The following MTA1 variants were observed in gnomAD, a reference collection of about 807,000 sequenced individuals.
The protein encoded by MTA1 is metastasis-associated protein MTA1.
Under a neutral mutation model 97.0 loss-of-function variants are expected in MTA1, and 15 were observed. The ratio of observed to expected loss-of-function variants is 0.15; its 90% confidence interval spans 0.10 to 0.24. The LOEUF (loss-of-function observed/expected upper bound fraction) is 0.24, where lower values mean the gene tolerates loss of function less well. Ranked by LOEUF, MTA1 falls within the 10% of genes least tolerant of loss-of-function variation. MTA1 has a pLI of 1.00. For synonymous variants in MTA1, 435 were observed against 417.5 expected, an observed-to-expected ratio of 1.04 and a Z score of -0.51; for missense variants, 709 against 1,015.1, an observed-to-expected ratio of 0.70 and a Z score of 4.10.
In MTA1 at chr14:105,469,481, G is replaced by A. The variant is rs1555433782; in HGVS notation, c.1828G>A (p.Gly610Arg). The change falls in exon 19 of 21, where the codon GGA becomes AGA. Residue 610 changes from glycine (G) to arginine (R), a missense_variant. Transcript: ENST00000331320. ...TTTCTCATCAGGTCTGGCAAACCAC[G>A]GACAGGCCAGGCACATGGTAAGAGG... ...LMPSRGLANHGQARHMGPSRN... is the reference protein window; with the variant it reads ...LMPSRGLANHRQARHMGPSRN... 5 of 1,612,964 alleles carry A rather than the reference G, an allele frequency of 3.1e-6. No individual in the cohort carries two copies. Among genetic ancestry groups the A allele is most frequent in the East Asian group, 2.2e-5 (1 of 44,874 alleles).
rs1236681809 is a variant in MTA1 at position 105,465,124 on chromosome 14, G to A, written c.1565G>A (p.Ser522Asn). 5.9e-6 allele frequency: 9 copies of A among 1,523,964 alleles called. No individual in the cohort carries two copies. The highest frequency in any genetic ancestry group is 8.0e-6 in the Non-Finnish European group (9 of 1,131,678). The allele number at this position is 1,523,964 out of a possible 1,614,324, so 94.4% of individuals were successfully genotyped here. A position where few individuals can be genotyped will look rare whatever the true frequency, so the allele number is the denominator to read the frequency against. Residue 522 changes from serine (S) to asparagine (N), a missense_variant, in exon 16 of 21, where the codon AGC (serine) becomes AAC (asparagine). Physicochemically the swap from Ser to Asn is conservative, Grantham distance 46 (BLOSUM62 1). Coordinates refer to ENST00000331320, the MANE Select transcript of MTA1 (RefSeq NM_004689.4). The stretch of plus-strand genomic sequence containing the variant: ...GCGCGGCTGCCCGAAGCCTCCCAGA[G>A]CCCGCTGGTGCTGAAGCAGGCGGTA... ...CTARLPEASQ[S>N]PLVLKQAVRK...
rs199606459 is a variant in MTA1 at position 105,460,427 on chromosome 14, C to T, written c.723C>T (p.Ser241=). 7.4e-6 allele frequency: 12 copies of T among 1,611,254 alleles called. No homozygotes were observed. The highest frequency in any genetic ancestry group is 2.2e-5 in the East Asian group (1 of 44,862). ...TCCGACAGCCCAGCCTGCACATGAGCGCCGCAGCTGCCTCCCGAGACATCA... is the reference window on the plus strand; with the variant it reads ...TCCGACAGCCCAGCCTGCACATGAGTGCCGCAGCTGCCTCCCGAGACATCA... ...SSVRQPSLHM[S]AAAASRDITL... Residue 241 remains serine (S), a synonymous_variant, in exon 9 of 21, where the codon AGC becomes AGT. Coordinates refer to ENST00000331320, the MANE Select transcript of MTA1 (RefSeq NM_004689.4).
At chr14:105,452,956 C>T (rs374517926) in intron 6 of MTA1, among the ~76,000 whole-genome samples, 6 of 152,350 alleles carry the variant, frequency 3.9e-5, no homozygotes, top group African/African-American at 1.2e-4. Context: ...GGTGATTGGA[C>T]GCCAGGCACA....
chr14:105,430,899 G>T (rs1416787254), intron 1 of MTA1, among the ~76,000 whole-genome samples: 3 of 152,218 alleles, frequency 2.0e-5, no homozygotes, highest in African/African-American at 4.8e-5. Context: ...CCGCACTAAT[G>T]GGAGGGATTC....
rs1555431726 is a variant in MTA1 at position 105,464,058 on chromosome 14, G to A, written c.1103G>A (p.Ser368Asn). The change falls in exon 13 of 21, where the codon AGC becomes AAC. Residue 368 changes from serine (S) to asparagine (N), a missense_variant. Coordinates refer to ENST00000331320, the MANE Select transcript of MTA1 (RefSeq NM_004689.4). ...NYNKPNPNQI[S>N]VNNVKAGVVN... Reference sequence around the variant, plus strand: ...AACAAGCCAAATCCGAACCAAATCAGCGTCAACAACGTCAAGGCCGGTGTG... The same window carrying A: ...AACAAGCCAAATCCGAACCAAATCAACGTCAACAACGTCAAGGCCGGTGTG... 1.2e-6 allele frequency: 2 copies of A among 1,612,670 alleles called. No individual in the cohort carries two copies. The highest frequency in any genetic ancestry group is 2.7e-5 in the African/African-American group (2 of 75,036).
chr14:105,428,015 CAAAAAAAA>C (rs11421824), intron 1 of MTA1, among the ~76,000 whole-genome samples: 1 of 109,862 alleles, frequency 9.1e-6, no homozygotes, highest in Admixed American at 1.0e-4. Context: ...GAGACTCTCT[CAAAAAAAA>C]AAAAAAAAAA....
chr14:105,451,260 C>T (rs2082918022), intron 6 of MTA1, among the ~76,000 whole-genome samples: 5 of 152,250 alleles, frequency 3.3e-5, no homozygotes, highest in Admixed American at 3.3e-4. Flanking sequence ...CCTCTGTGGC[C>T]CCGGTCCCCA....
chr14:105,430,591 C>T (rs587670847), intron 1 of MTA1, among the ~76,000 whole-genome samples: 12 of 152,278 alleles, frequency 7.9e-5, no homozygotes, highest in Admixed American at 7.2e-4. Flanking sequence ...ACTTGATGCA[C>T]GTTGCCACAA....
chr14:105,451,838 T>A (rs1339751794), intron 6 of MTA1, among the ~76,000 whole-genome samples: 1 of 147,364 alleles, frequency 6.8e-6, no homozygotes, highest in Admixed American at 6.9e-5. Context: ...TTGCCCAGGC[T>A]GGAGTACAGT....
Position 105,468,771 on chromosome 14 carries a change from C to T in MTA1, c.1814-696C>T, listed in dbSNP as rs1292276600. ...CCTGGGACCAGCTCCCACATGCACA[C>T]GCCCACACCTACACACAGGGCAGTG... is the stretch of plus-strand genomic sequence containing the variant. On this transcript the variant is annotated intron_variant, in intron 18 of 20. Transcript: ENST00000331320. Among the ~76,000 whole-genome samples the T allele has an allele frequency of 3.3e-5, 5 of 152,340 alleles. No individual in the cohort carries two copies. In the East Asian group the frequency reaches 5.8e-4, roughly 18 times the overall value.
At position 105,450,245 on chromosome 14, in the gene MTA1, C is replaced by G; in HGVS notation, c.369-16C>G. On this transcript the variant is annotated splice_polypyrimidine_tract_variant and intron_variant, in intron 5 of 20. Coordinates refer to ENST00000331320, the MANE Select transcript of MTA1 (RefSeq NM_004689.4). The stretch of plus-strand genomic sequence containing the variant: ...GCTGCCCTCGCCTTTCCAGCCTGCC[C>G]GTCCTTCTCTTCCAGGGGCAAGTGC... 1 of 1,609,380 alleles carries G rather than the reference C, an allele frequency of 6.2e-7. No homozygotes were observed. Among genetic ancestry groups the G allele is most frequent in the Non-Finnish European group, 8.5e-7 (1 of 1,176,774 alleles).
Position 105,450,436 on chromosome 14 carries a change from G to A in MTA1, c.432+112G>A, listed in dbSNP as rs1194767455. On this transcript the variant is annotated intron_variant, in intron 6 of 20. Coordinates refer to ENST00000331320, the MANE Select transcript of MTA1 (RefSeq NM_004689.4). ...AGACGATTTTCCCTCCTCCCTCTAG[G>A]CCCAGGCTGTTCTGGGGGGAAGCGG... 9.8e-6 allele frequency: 12 copies of A among 1,229,964 alleles called. No individual in the cohort carries two copies. In the Admixed American group the frequency reaches 1.6e-4, roughly 16 times the overall value. 76.2% of individuals were successfully genotyped at this position (1,229,964 alleles called of 1,614,324 possible). A position where few individuals can be genotyped will look rare whatever the true frequency, so the allele number is the denominator to read the frequency against.
At chr14:105,447,803 TG>T (rs1275702256) in intron 3 of MTA1, among the ~76,000 whole-genome samples, 1 of 152,156 alleles carries the variant, frequency 6.6e-6, no homozygotes, top group Non-Finnish European at 1.5e-5. Context: ...GGCCTTGCGG[TG>T]ATTCTGCAGG....
chr14:105,449,544 G>T (rs1555428079), intron 4 of MTA1, 135 bp downstream of exon 4: 2 of 958,052 alleles, frequency 2.1e-6, no homozygotes, highest in Non-Finnish European at 1.5e-6. Context: ...CCCGGCTGAG[G>T]AGGGGCCCTC....
At chr14:105,468,530 C>T (rs2083691747) in intron 18 of MTA1, among the ~76,000 whole-genome samples, 1 of 152,158 alleles carries the variant, frequency 6.6e-6, no homozygotes, top group South Asian at 2.1e-4. Flanking sequence ...GGCTCCAGGG[C>T]CCCAGTTGGC....
intron 1 of MTA1, among the ~76,000 whole-genome samples, chr14:105,435,094 T>C (rs587680910): frequency 2.1e-4 from 32 of 152,334 alleles, no homozygotes; most frequent in South Asian, 1.7e-3. Context: ...AGGATGATGC[T>C]AGCTGTAGGT....
At chr14:105,461,433 A>C (rs1229726336) in intron 10 of MTA1, among the ~76,000 whole-genome samples, 9 of 152,030 alleles carry the variant, frequency 5.9e-5, no homozygotes, top group African/African-American at 2.2e-4. Flanking sequence ...CTGTACCTCC[A>C]CCTCAGGACC....
chr14:105,465,723 G>T (rs1325820606), intron 16 of MTA1: 2 of 152,578 alleles, frequency 1.3e-5, no homozygotes, highest in African/African-American at 4.8e-5. Context: ...GAGGACACCC[G>T]AGAACCTCAG....
chr14:105,420,375 G>T lies in MTA1; in HGVS notation c.28+312G>T, dbSNP rs2081788931. On this transcript the variant is annotated intron_variant, in intron 1 of 20. Transcript: ENST00000331320. The surrounding 1 kb of genome is among the most constrained non-coding windows in gnomAD (Gnocchi z 5.3). ...CCTGCGGGACATCCGGGGGTCCGGG[G>T]CCGGGAGCCCCCAGCGGGAGCACGT... is the stretch of plus-strand genomic sequence containing the variant. Among the ~76,000 whole-genome samples, 1 of 151,860 alleles carries T rather than the reference G, an allele frequency of 6.6e-6. No homozygotes were observed. The highest frequency in any genetic ancestry group is 1.5e-5 in the Non-Finnish European group (1 of 67,916).
Sources: gnomAD v4.1 joint callset for allele counts (sites outside exome capture counted in the v4.1 genomes callset) on GRCh38, gnomAD v4.1.1 for gene constraint, Gnocchi (gnomAD v3.1) non-coding constraint, MANE v1.5 for transcripts, NCBI Gene and HGNC (gene_info 2026-07-23, HGNC 2026-07-21) for gene names.